Variants in PIK3C2G observed in about 807,000 individuals in gnomAD.
PIK3C2G encodes the protein phosphatidylinositol 3-kinase C2 domain-containing subunit gamma.
PIK3C2G carries 168 observed loss-of-function variants against 181.1 expected under a neutral mutation model. The observed-to-expected ratio is 0.93, with a 90% CI of 0.82 to 1.05. The LOEUF (loss-of-function observed/expected upper bound fraction) is 1.05, where lower values mean the gene tolerates loss of function less well. Ranked by LOEUF, PIK3C2G falls within the 50% of genes least tolerant of loss-of-function variation. The pLI is 0.00. For synonymous variants in PIK3C2G, 573 were observed against 592.2 expected (o/e 0.97, Z 0.47); for missense variants, 1,869 against 1,732.8 (o/e 1.08, Z -1.40).
chr12:18,622,194 T>C (rs1336732316), intron 31 of PIK3C2G, among the ~76,000 whole-genome samples: 1 of 151,900 alleles, frequency 6.6e-6, no homozygotes, highest in Non-Finnish European at 1.5e-5. Flanking sequence ...TTTGTAACCT[T>C]TGACTATCAT....
At chr12:18,284,480 T>C (rs1209303196) in intron 2 of PIK3C2G, among the ~76,000 whole-genome samples, 1 of 152,076 alleles carries the variant, frequency 6.6e-6, no homozygotes, top group Admixed American at 6.6e-5. Context: ...CATAGATATG[T>C]AAAGAAGCAG....
intron 29 of PIK3C2G, among the ~76,000 whole-genome samples, chr12:18,579,257 T>A (rs1031225188): frequency 1.3e-5 from 2 of 152,174 alleles, no homozygotes; most frequent in African/African-American, 4.8e-5. Flanking sequence ...AAATAACATA[T>A]GACAGTGAGT....
intron 3 of PIK3C2G, among the ~76,000 whole-genome samples, chr12:18,288,240 A>G (rs1026058123): frequency 1.3e-5 from 2 of 152,194 alleles, no homozygotes; most frequent in Non-Finnish European, 2.9e-5. Context: ...CTATTGTTTG[A>G]AATATAATAA....
the PIK3C2G span, among the ~76,000 whole-genome samples, chr12:18,700,517 A>AAAAAG: frequency 6.9e-6 from 1 of 145,146 alleles, no homozygotes; most frequent in Non-Finnish European, 1.5e-5. Flanking sequence ...ACGTACAAAA[A>AAAAAG]AAAAAAAAAA....
intron 7 of PIK3C2G, among the ~76,000 whole-genome samples, chr12:18,321,656 TATAAC>T (rs1404903613): frequency 6.6e-6 from 1 of 152,070 alleles, no homozygotes; most frequent in East Asian, 1.9e-4. Flanking sequence ...TAAAGGCTGA[TATAAC>T]ATATCAGCTA....
chr12:18,328,694 A>G (rs1192925637), intron 8 of PIK3C2G, among the ~76,000 whole-genome samples: 1 of 152,038 alleles, frequency 6.6e-6, no homozygotes, highest in Admixed American at 6.5e-5. Flanking sequence ...GTTTTAAATA[A>G]TTAATGAAAC....
intron 15 of PIK3C2G, among the ~76,000 whole-genome samples, chr12:18,391,888 TGA>T (rs142901049): frequency 1.3e-5 from 2 of 150,072 alleles, no homozygotes; most frequent in Admixed American, 6.7e-5. Context: ...TGTGTGTGTG[TGA>T]GAGAGAGAGA....
At chr12:18,583,188 A>T (rs879463421) in intron 29 of PIK3C2G, among the ~76,000 whole-genome samples, 4 of 152,096 alleles carry the variant, frequency 2.6e-5, no homozygotes, top group Non-Finnish European at 5.9e-5. Flanking sequence ...CAACAAGTCC[A>T]TACCTCCCTT....
chr12:18,297,302 T>C (rs1949982446), intron 5 of PIK3C2G, among the ~76,000 whole-genome samples: 1 of 152,018 alleles, frequency 6.6e-6, no homozygotes, highest in African/African-American at 2.4e-5. Flanking sequence ...TCTAGCCAAA[T>C]ATTTACTAGG....
At chr12:18,402,706 TTAAA>T (rs1426859567) in intron 16 of PIK3C2G, among the ~76,000 whole-genome samples, 1 of 152,168 alleles carries the variant, frequency 6.6e-6, no homozygotes, top group Non-Finnish European at 1.5e-5. Flanking sequence ...TACTCACTTA[TTAAA>T]TAAGAGGATT....
chr12:18,708,522 C>G, the PIK3C2G span, among the ~76,000 whole-genome samples: 1 of 152,116 alleles, frequency 6.6e-6, no homozygotes, highest in East Asian at 1.9e-4. Flanking sequence ...TGGGTATGTA[C>G]CCAGAAGAGG....
chr12:18,468,082 A>G (rs114192807), intron 18 of PIK3C2G, among the ~76,000 whole-genome samples: 77 of 152,140 alleles, frequency 5.1e-4, no homozygotes, highest in African/African-American at 1.7e-3. Flanking sequence ...TGCTCCCCAG[A>G]AACCCATAAA....
intron 21 of PIK3C2G, among the ~76,000 whole-genome samples, chr12:18,497,098 C>A (rs1941073664): frequency 6.6e-6 from 1 of 152,092 alleles, no homozygotes; most frequent in Non-Finnish European, 1.5e-5. Flanking sequence ...TCTCTGAAAA[C>A]CTTTTAACTA....
intron 5 of PIK3C2G, among the ~76,000 whole-genome samples, 189 bp downstream of exon 5, chr12:18,294,204 T>C (rs1475568572): frequency 6.6e-6 from 1 of 152,074 alleles, no homozygotes; most frequent in Non-Finnish European, 1.5e-5. Context: ...TGATTTTATA[T>C]TATGACTACT....
intron 12 of PIK3C2G, among the ~76,000 whole-genome samples, chr12:18,370,253 G>A (rs1941952249): frequency 6.6e-6 from 1 of 152,140 alleles, no homozygotes; most frequent in Non-Finnish European, 1.5e-5. Context: ...CAGTCTTACA[G>A]TAGTATTTAT....
intron 26 of PIK3C2G, among the ~76,000 whole-genome samples, chr12:18,552,930 G>A (rs1411474787): frequency 1.3e-5 from 2 of 152,010 alleles, no homozygotes; most frequent in Non-Finnish European, 2.9e-5. Flanking sequence ...AAACTCTTCA[G>A]GAGACTATCA....
chr12:18,314,968 T>G (rs1350952278), intron 6 of PIK3C2G, among the ~76,000 whole-genome samples: 1 of 152,192 alleles, frequency 6.6e-6, no homozygotes, highest in Non-Finnish European at 1.5e-5. Flanking sequence ...GATGCGAATT[T>G]TATTCCCTGT....
intron 24 of PIK3C2G, among the ~76,000 whole-genome samples, chr12:18,533,527 T>A (rs1398172696): frequency 2.0e-5 from 3 of 152,174 alleles, no homozygotes; most frequent in Non-Finnish European, 2.9e-5. Flanking sequence ...TGCAAAAGTC[T>A]CTTGTCTGAT....
chr12:18,713,039 T>C, the PIK3C2G span: 2 of 1,594,972 alleles, frequency 1.3e-6, no homozygotes, highest in Non-Finnish European at 1.7e-6. Flanking sequence ...TAAAAATATA[T>C]ACCAAAGTAT....
Sources: allele counts gnomAD v4.1 joint callset (sites outside exome capture counted in the v4.1 genomes callset), GRCh38; gene constraint gnomAD v4.1.1; transcripts MANE v1.5; gene names NCBI Gene and HGNC (gene_info 2026-07-23, HGNC 2026-07-21).